The following ZNF578 variants were observed in gnomAD, a reference collection of about 807,000 sequenced individuals.
ZNF578 encodes Putative chemokine-related protein B42.
ZNF578 carries 8 observed loss-of-function variants against 8.3 expected under a neutral mutation model. The observed-to-expected ratio is 0.96, with a 90% CI of 0.56 to 1.74. ZNF578 has a LOEUF of 1.74. Among genes scored for constraint, ZNF578 ranks in the 40% most tolerant of loss-of-function variants. The pLI is 0.00. For synonymous variants in ZNF578, 206 were observed against 232.2 expected (o/e 0.89, Z 1.03); for missense variants, 726 against 707.5 (o/e 1.03, Z -0.30).
intron 2 of ZNF578, among the ~76,000 whole-genome samples, chr19:52,468,353 A>G (rs927064769): frequency 6.6e-6 from 1 of 152,200 alleles, no homozygotes; most frequent in Non-Finnish European, 1.5e-5. Context: ...ATCTTAGGCA[A>G]TTTTACTAAA....
intron 2 of ZNF578, among the ~76,000 whole-genome samples, chr19:52,488,970 C>T (rs1001154717): frequency 3.3e-5 from 5 of 151,952 alleles, no homozygotes; most frequent in African/African-American, 9.7e-5. Context: ...TTACACACGC[C>T]TCTAATTTCA....
At chr19:52,465,519 C>T (rs528436441) in intron 2 of ZNF578, among the ~76,000 whole-genome samples, 1 of 152,302 alleles carries the variant, frequency 6.6e-6, no homozygotes, top group African/African-American at 2.4e-5. Flanking sequence ...CAGTGCTGCA[C>T]GCACCAATGA....
rs781406354 is a variant in ZNF578, at chr19:52,510,779, A to T, written c.398A>T (p.Lys133Ile). ...CATGAAGCATCCATGCCAAAAATCA[A>T]AGAGTTGATGGGTAGCACAGACCGA... ...NGHEASMPKIKELMGSTDRHD... is the reference protein window; with the variant it reads ...NGHEASMPKIIELMGSTDRHD... Residue 133 changes from lysine (K) to isoleucine (I), a missense_variant, in exon 6 of 6, where the codon AAA becomes ATA. Lys to Ile is a moderately radical substitution (Grantham distance 102, BLOSUM62 -3). Transcript: ENST00000421239. 74 of 1,613,028 alleles carry T rather than the reference A, an allele frequency of 4.6e-5. No homozygotes were observed. Among genetic ancestry groups the T allele is most frequent in the Non-Finnish European group, 6.1e-5 (72 of 1,179,342 alleles).
chr19:52,483,219 C>A (rs1235967077), intron 2 of ZNF578, among the ~76,000 whole-genome samples: 2 of 152,006 alleles, frequency 1.3e-5, no homozygotes, highest in Admixed American at 6.6e-5. Context: ...GGTTCGAGAC[C>A]AGCCTGACCA....
chr19:52,493,816 C>G (rs1037326401), intron 3 of ZNF578, among the ~76,000 whole-genome samples: 5 of 151,310 alleles, frequency 3.3e-5, no homozygotes, highest in African/African-American at 1.2e-4. Flanking sequence ...CATGGAGAAA[C>G]CCCGTCCCTA....
chr19:52,494,538 T>G (rs1196382823), intron 3 of ZNF578, among the ~76,000 whole-genome samples: 1 of 152,192 alleles, frequency 6.6e-6, no homozygotes, highest in African/African-American at 2.4e-5. Flanking sequence ...CAGATGAGTG[T>G]GTGAGTTCAT....
chr19:52,493,853 G>A (rs1033786837), intron 3 of ZNF578, among the ~76,000 whole-genome samples: 27 of 152,066 alleles, frequency 1.8e-4, no homozygotes, highest in African/African-American at 5.1e-4. Flanking sequence ...AGCCGGGCGC[G>A]GTTGCACATG....
At chr19:52,478,213 C>T (rs1488821373) in intron 2 of ZNF578, among the ~76,000 whole-genome samples, 1 of 152,216 alleles carries the variant, frequency 6.6e-6, no homozygotes, top group Non-Finnish European at 1.5e-5. Flanking sequence ...GTGCATAGCA[C>T]CAAATACAGA....
intron 2 of ZNF578, among the ~76,000 whole-genome samples, chr19:52,464,975 G>C (rs1344424432): frequency 6.6e-6 from 1 of 152,114 alleles, no homozygotes; most frequent in Non-Finnish European, 1.5e-5. Flanking sequence ...AGCTCTCATC[G>C]GTTGAATTAC....
At chr19:52,490,071 G>C (rs2059360158) in intron 2 of ZNF578, among the ~76,000 whole-genome samples, 1 of 152,250 alleles carries the variant, frequency 6.6e-6, no homozygotes, top group East Asian at 1.9e-4. Flanking sequence ...GCCTGCATCA[G>C]GTTTTTGATG....
At position 52,487,881 on chromosome 19, in the gene ZNF578, C is replaced by G. The variant is rs187303266; in HGVS notation, c.-121-3443C>G. Among the ~76,000 whole-genome samples, 90 of 152,100 alleles carry G rather than the reference C, an allele frequency of 5.9e-4. 3 individuals carry two copies. The East Asian group carries it at 0.017, about 29-fold the overall frequency. On this transcript the variant is annotated intron_variant, in intron 2 of 5. Coordinates refer to ENST00000421239, the MANE Select transcript of ZNF578 (RefSeq NM_001099694.2). The stretch of plus-strand genomic sequence containing the variant: ...CAAAATCCTGGGCTGAAAGGATCCT[C>G]CTGCCTTGGCCTCCCAAATTACTGG...
At chr19:52,507,044 G>A (rs188547955) in intron 5 of ZNF578, among the ~76,000 whole-genome samples, 1 of 152,240 alleles carries the variant, frequency 6.6e-6, no homozygotes, top group Admixed American at 6.5e-5. Flanking sequence ...CTTGAGGTCA[G>A]GAGTTTGAGA....
intron 2 of ZNF578, among the ~76,000 whole-genome samples, 169 bp from the exon 3 acceptor site, chr19:52,491,155 T>G (rs1471844258): frequency 1.3e-5 from 2 of 152,214 alleles, no homozygotes; most frequent in African/African-American, 4.8e-5. Flanking sequence ...GGACATGTAA[T>G]CGCCCTTTAT....
intron 3 of ZNF578, among the ~76,000 whole-genome samples, chr19:52,500,383 A>C (rs1044634389): frequency 6.6e-6 from 1 of 151,044 alleles, no homozygotes; most frequent in African/African-American, 2.4e-5. Flanking sequence ...ACTGAGGCAC[A>C]AATGGTTGCA....
intron 2 of ZNF578, among the ~76,000 whole-genome samples, chr19:52,481,812 C>A (rs958707756): frequency 6.6e-6 from 1 of 152,070 alleles, no homozygotes; most frequent in African/African-American, 2.4e-5. Flanking sequence ...CTAACTGCAG[C>A]CTTGACCTGC....
chr19:52,512,391 A>G lies in ZNF578; in HGVS notation c.*237A>G. The G allele has an allele frequency of 6.7e-7, 1 of 1,481,642 alleles. No individual in the cohort carries two copies. The highest frequency in any genetic ancestry group is 9.4e-7 in the Non-Finnish European group (1 of 1,061,794). 91.8% of individuals were successfully genotyped at this position (1,481,642 alleles called of 1,614,324 possible). ...TCTTCAGTAACGCTACAACGATTGCAAATCATTGGAGAATCCATAATGAAG... is the reference window on the plus strand; with the variant it reads ...TCTTCAGTAACGCTACAACGATTGCGAATCATTGGAGAATCCATAATGAAG... On this transcript the variant is annotated 3_prime_UTR_variant, in exon 6 of 6. Transcript: ENST00000421239.
At chr19:52,488,324 G>A (rs1405674134) in intron 2 of ZNF578, among the ~76,000 whole-genome samples, 2 of 151,866 alleles carry the variant, frequency 1.3e-5, no homozygotes, top group Non-Finnish European at 2.9e-5. Flanking sequence ...GGAGACAGAG[G>A]TGGGTGGATC....
In ZNF578 at chr19:52,516,124, G is replaced by A. The variant is rs115003561; in HGVS notation, c.*3970G>A. ...AAAACCCTTCCTGTCTCAGGTCATTGTCCCTGCTCTTACCCTATGTACCCT... is the reference window on the plus strand; with the variant it reads ...AAAACCCTTCCTGTCTCAGGTCATTATCCCTGCTCTTACCCTATGTACCCT... On this transcript the variant is annotated 3_prime_UTR_variant, in exon 6 of 6. Transcript: ENST00000421239. 0.2 allele frequency among the ~76,000 whole-genome samples: 29,682 copies of A among 151,752 alleles called. 3,063 individuals carry two copies. The highest frequency in any genetic ancestry group is 0.23 in the Non-Finnish European group (15,448 of 67,902).
Position 52,503,240 on chromosome 19 carries a change from A to G in ZNF578, c.63+1332A>G, listed in dbSNP as rs140901476. On this transcript the variant is annotated intron_variant, in intron 4 of 5. Transcript: ENST00000421239. The stretch of plus-strand genomic sequence containing the variant: ...TTGTTGTCCAGGCTGGAGTGCAGTA[A>G]TGCAATCATAGCTTGCTACAGCCTT... Among the ~76,000 whole-genome samples, 32 of 152,238 alleles carry G rather than the reference A, an allele frequency of 2.1e-4. No homozygotes were observed. The East Asian group carries it at 4.3e-3, about 20-fold the overall frequency.
Sources: allele counts gnomAD v4.1 joint callset (sites outside exome capture counted in the v4.1 genomes callset), GRCh38; gene constraint gnomAD v4.1.1; transcripts MANE v1.5; gene names NCBI Gene and HGNC (gene_info 2026-07-23, HGNC 2026-07-21).